HECW1: variants seen among roughly 807,000 people sequenced by gnomAD.
The protein encoded by HECW1 is HECT, C2 and WW domain containing E3 ubiquitin protein ligase 1.
A neutral mutation model predicts 182.3 loss-of-function variants in HECW1; 61 were observed. The observed-to-expected ratio is 0.33, with a 90% CI of 0.27 to 0.41. The LOEUF (loss-of-function observed/expected upper bound fraction) is 0.41, where lower values mean the gene tolerates loss of function less well. HECW1 is among the 10% of genes least tolerant of loss of function. The pLI, the probability that HECW1 is intolerant of heterozygous loss-of-function variation, is 1.00. For synonymous variants in HECW1, 859 were observed against 832.6 expected, an observed-to-expected ratio of 1.03 and a Z score of -0.55; for missense variants, 1,739 against 2,108.9, an observed-to-expected ratio of 0.82 and a Z score of 3.44.
chr7:43,251,483 T>C (rs572949990), intron 3 of HECW1, among the ~76,000 whole-genome samples: 2 of 152,134 alleles, frequency 1.3e-5, no homozygotes, highest in Admixed American at 1.3e-4. Flanking sequence ...ACCCAGCTAA[T>C]TTTTGTATTT....
At chr7:43,128,088 C>T (rs988229631) in intron 2 of HECW1, among the ~76,000 whole-genome samples, 1 of 152,114 alleles carries the variant, frequency 6.6e-6, no homozygotes, top group African/African-American at 2.4e-5. Context: ...CTATGTTACC[C>T]AGGCTGGGCT....
chr7:43,298,050 G>A (rs377301283), intron 3 of HECW1, among the ~76,000 whole-genome samples: 1 of 152,296 alleles, frequency 6.6e-6, no homozygotes, highest in East Asian at 1.9e-4. Context: ...TCCAGCCAGG[G>A]TGACAGGGTG....
At chr7:43,393,502 G>A (rs1034659881) in intron 6 of HECW1, among the ~76,000 whole-genome samples, 1 of 152,160 alleles carries the variant, frequency 6.6e-6, no homozygotes, top group Non-Finnish European at 1.5e-5. Flanking sequence ...CCTGGAAAAT[G>A]TTTATTATGG....
At chr7:43,187,646 A>C (rs1190891469) in intron 2 of HECW1, among the ~76,000 whole-genome samples, 1 of 151,890 alleles carries the variant, frequency 6.6e-6, no homozygotes, top group Non-Finnish European at 1.5e-5. Flanking sequence ...TTTATATTAT[A>C]ATTTTCTTTT....
intron 6 of HECW1, among the ~76,000 whole-genome samples, chr7:43,384,210 T>G (rs2074676845): frequency 6.6e-6 from 1 of 152,254 alleles, no homozygotes; most frequent in African/African-American, 2.4e-5. Context: ...TACCGGTTAC[T>G]TCTAGAGCAC....
At chr7:43,332,669 G>A (rs1438997625) in intron 5 of HECW1, among the ~76,000 whole-genome samples, 1 of 152,200 alleles carries the variant, frequency 6.6e-6, no homozygotes, top group East Asian at 1.9e-4. Flanking sequence ...AGTGTGGCCT[G>A]TGCTCATCCC....
rs1799041413 is a variant in HECW1 at position 43,243,097 on chromosome 7, G to T, written c.-31-778G>T. On this transcript the variant is annotated intron_variant, in intron 2 of 29. Coordinates refer to ENST00000395891, the MANE Select transcript of HECW1 (RefSeq NM_015052.5). The surrounding 1 kb of genome is among the most constrained non-coding windows in gnomAD (Gnocchi z 4.0). ...CATAGACTGCTTTTTTCTGGAATCA[G>T]GCCACATTGATTATTTTCATGGTGA... Among the ~76,000 whole-genome samples, 1 of 152,114 alleles carries T rather than the reference G, an allele frequency of 6.6e-6. No homozygotes were observed. Among genetic ancestry groups the T allele is most frequent in the South Asian group, 2.1e-4 (1 of 4,824 alleles).
intron 24 of HECW1, among the ~76,000 whole-genome samples, chr7:43,530,351 G>C (rs563531599): frequency 2.0e-5 from 3 of 151,672 alleles, no homozygotes; most frequent in Non-Finnish European, 1.5e-5. Flanking sequence ...TTGTCACCTA[G>C]TTTTTATTAT....
chr7:43,314,454 A>G (rs1455048455), intron 4 of HECW1, among the ~76,000 whole-genome samples: 2 of 152,252 alleles, frequency 1.3e-5, no homozygotes, highest in African/African-American at 2.4e-5. Context: ...GAGGAACTCA[A>G]ACAGAAGAAG....
chr7:43,318,030 C>T (rs1222425495), intron 4 of HECW1, among the ~76,000 whole-genome samples: 1 of 152,058 alleles, frequency 6.6e-6, no homozygotes, highest in Non-Finnish European at 1.5e-5. Context: ...GAACATAGAC[C>T]GTGACTTGTT....
intron 3 of HECW1, among the ~76,000 whole-genome samples, chr7:43,300,136 C>T (rs1806550386): frequency 6.6e-6 from 1 of 152,238 alleles, no homozygotes; most frequent in Non-Finnish European, 1.5e-5. Flanking sequence ...CCTCCTTATC[C>T]TTTCAATTCC....
intron 5 of HECW1, among the ~76,000 whole-genome samples, chr7:43,354,831 T>C (rs1194215135): frequency 3.3e-5 from 5 of 151,910 alleles, no homozygotes; most frequent in African/African-American, 1.2e-4. Context: ...ACCAAACAGA[T>C]TCAACTCAAA....
chr7:43,153,737 T>C (rs935405134), intron 2 of HECW1, among the ~76,000 whole-genome samples: 30 of 152,216 alleles, frequency 2.0e-4, no homozygotes, highest in Non-Finnish European at 1.3e-4. Flanking sequence ...TGGAATTTTT[T>C]ATATATATTG....
intron 1 of HECW1, among the ~76,000 whole-genome samples, chr7:43,113,327 C>T (rs1784782589): frequency 6.6e-6 from 1 of 152,198 alleles, no homozygotes. Context: ...CAGCCCACAC[C>T]CACCCCTTGT....
At chr7:43,411,574 A>C (rs2075805056) in intron 8 of HECW1, among the ~76,000 whole-genome samples, 2 of 152,162 alleles carry the variant, frequency 1.3e-5, no homozygotes, top group African/African-American at 4.8e-5. Context: ...TTGCCACAAG[A>C]AGCATGTTTA....
chr7:43,234,559 C>T (rs1798149276), intron 2 of HECW1, among the ~76,000 whole-genome samples: 1 of 152,144 alleles, frequency 6.6e-6, no homozygotes, highest in Non-Finnish European at 1.5e-5. Context: ...TGGACACTTC[C>T]TTTTCTTCCT....
chr7:43,500,414 G>A lies in HECW1; in HGVS notation c.3438-285G>A, dbSNP rs144499864. Among the ~76,000 whole-genome samples the A allele has an allele frequency of 3.3e-3, 500 of 152,122 alleles. 2 individuals are homozygous for A. Among genetic ancestry groups the A allele is most frequent in the African/African-American group, 0.011 (476 of 41,514 alleles). ...TGCCCCGCCCCAGAACAGTCTTTCA[G>A]GAGCAATCTCTTACCCAGCTCCACT... is the stretch of plus-strand genomic sequence containing the variant. On this transcript the variant is annotated intron_variant, in intron 19 of 29. Transcript: ENST00000395891.
intron 1 of HECW1, chr7:43,113,936 G>C (rs1471916740): frequency 1.1e-5 from 3 of 268,342 alleles, no homozygotes; most frequent in Non-Finnish European, 1.4e-5. Flanking sequence ...CAGCGCGTAG[G>C]GGGAGCTGGC....
intron 2 of HECW1, among the ~76,000 whole-genome samples, chr7:43,214,056 A>G (rs1796237959): frequency 1.3e-5 from 2 of 151,978 alleles, no homozygotes; most frequent in Admixed American, 6.5e-5. Flanking sequence ...TGGTGATTGT[A>G]ATCTTCTATA....
Sources: gnomAD v4.1 joint callset for allele counts (sites outside exome capture counted in the v4.1 genomes callset) on GRCh38, gnomAD v4.1.1 for gene constraint, Gnocchi (gnomAD v3.1) non-coding constraint, MANE v1.5 for transcripts, NCBI Gene and HGNC (gene_info 2026-07-23, HGNC 2026-07-21) for gene names.